Variants in STT3B observed in about 807,000 individuals in gnomAD.
The protein encoded by STT3B is dolichyl-diphosphooligosaccharide--protein glycosyltransferase subunit STT3B.
STT3B carries 29 observed loss-of-function variants against 96.8 expected under a neutral mutation model. The ratio of observed to expected loss-of-function variants is 0.30; its 90% CI spans 0.22 to 0.41. The LOEUF (loss-of-function observed/expected upper bound fraction) is 0.41. STT3B is among the 10% of genes least tolerant of loss of function. The pLI, the probability that STT3B is intolerant of heterozygous loss-of-function variation, is 1.00. For missense variants in STT3B, 640 were observed against 1,022.3 expected, an observed-to-expected ratio of 0.63 and a Z score of 5.10; for synonymous variants, 367 against 360.0, an observed-to-expected ratio of 1.02 and a Z score of -0.22.
At chr3:31,624,888 TAA>T in intron 11 of STT3B, 24 bp from the exon 12 acceptor site, 1 of 1,583,478 alleles carries the variant, frequency 6.3e-7, no homozygotes, top group Non-Finnish European at 8.6e-7. Context: ...ACATCTCATT[TAA>T]AAGAGTATTG....
At chr3:31,572,378 T>C (rs1190744171) in intron 1 of STT3B, among the ~76,000 whole-genome samples, 5 of 151,576 alleles carry the variant, frequency 3.3e-5, no homozygotes, top group Admixed American at 6.6e-5. Context: ...TTGACACTTA[T>C]CTCTATGAGT....
At chr3:31,634,913 G>T (rs1699730945) in intron 15 of STT3B, among the ~76,000 whole-genome samples, 1 of 152,132 alleles carries the variant, frequency 6.6e-6, no homozygotes, top group African/African-American at 2.4e-5. Context: ...AATAACATCA[G>T]TTTAACAATA....
chr3:31,606,660 A>G (rs1338116783), intron 5 of STT3B, among the ~76,000 whole-genome samples: 1 of 152,134 alleles, frequency 6.6e-6, no homozygotes, highest in Admixed American at 6.5e-5. Flanking sequence ...TTTGCTGGAG[A>G]GGTGGGGCCC....
At chr3:31,623,606 C>A in intron 10 of STT3B, 68 bp from the exon 11 acceptor site, 3 of 1,222,156 alleles carry the variant, frequency 2.5e-6, no homozygotes, top group Non-Finnish European at 3.4e-6. Flanking sequence ...TCAACTTTTT[C>A]CATTGAGTAT....
intron 12 of STT3B, among the ~76,000 whole-genome samples, chr3:31,625,387 T>C (rs778163044): frequency 6.6e-6 from 1 of 152,232 alleles, no homozygotes; most frequent in Non-Finnish European, 1.5e-5. Context: ...TTTCGTGTTA[T>C]AAACTAAAAA....
In STT3B at chr3:31,533,082, C is replaced by T. The variant is rs989655422; in HGVS notation, c.84C>T (p.Asn28=). ...SPWSGLMALG[N]SRHGHHGPGA... Reference sequence around the variant, plus strand: ...GGAGTGGCCTCATGGCCCTGGGAAACAGCCGGCACGGCCACCACGGGCCCG... The same window carrying T: ...GGAGTGGCCTCATGGCCCTGGGAAATAGCCGGCACGGCCACCACGGGCCCG... The change falls in exon 1 of 16, where the codon AAC becomes AAT. Residue 28 remains asparagine (N), a synonymous_variant. Coordinates refer to ENST00000295770, the MANE Select transcript of STT3B (RefSeq NM_178862.3). 29 of 1,539,586 alleles carry T rather than the reference C, an allele frequency of 1.9e-5. No homozygotes were observed. The highest frequency in any genetic ancestry group is 2.5e-5 in the Non-Finnish European group (29 of 1,145,966).
intron 3 of STT3B, among the ~76,000 whole-genome samples, chr3:31,588,257 C>CT (rs1037701027): frequency 1.3e-5 from 2 of 151,146 alleles, no homozygotes; most frequent in South Asian, 2.1e-4. Context: ...TGTATATGGA[C>CT]TTTTTTTTTG....
At chr3:31,561,158 C>T (rs1697868166) in intron 1 of STT3B, among the ~76,000 whole-genome samples, 1 of 151,438 alleles carries the variant, frequency 6.6e-6, no homozygotes, top group Non-Finnish European at 1.5e-5. Context: ...AATTGTTTTT[C>T]TGATTTCTTT....
At position 31,633,092 on chromosome 3, in the gene STT3B, A is replaced by G; in HGVS notation, c.2345A>G (p.Asp782Gly). Residue 782 changes from aspartate (D) to glycine (G), a missense_variant, in exon 15 of 16, where the codon GAT becomes GGT. Physicochemically the swap from Asp to Gly is moderately conservative, Grantham distance 94. This residue lies in a region of STT3B where 51 missense variants were observed against 64.2 expected (regional missense o/e 0.79). Transcript: ENST00000295770. ...GCACCTGATAACAGGGAGACATTAGATCACAAACCTCGAGTCACCAACATT... is the reference window on the plus strand; with the variant it reads ...GCACCTGATAACAGGGAGACATTAGGTCACAAACCTCGAGTCACCAACATT... Reference protein sequence around the residue: ...VKAPDNRETLDHKPRVTNIFP... With the variant: ...VKAPDNRETLGHKPRVTNIFP... 1.2e-6 allele frequency: 2 copies of G among 1,614,148 alleles called. No individual in the cohort carries two copies. Among genetic ancestry groups the G allele is most frequent in the Non-Finnish European group, 1.7e-6 (2 of 1,179,972 alleles).
At chr3:31,625,730 A>AT (rs779509645) in intron 12 of STT3B, among the ~76,000 whole-genome samples, 9 of 152,210 alleles carry the variant, frequency 5.9e-5, no homozygotes, top group Admixed American at 1.3e-4. Context: ...TATTAGCAAA[A>AT]TATTAGAGCA....
chr3:31,598,452 A>G (rs1009673075), intron 4 of STT3B, among the ~76,000 whole-genome samples: 1 of 152,198 alleles, frequency 6.6e-6, no homozygotes, highest in Non-Finnish European at 1.5e-5. Flanking sequence ...ACCCAAGTAA[A>G]GAGTTAACTA....
In STT3B at chr3:31,576,523, CT is replaced by C; in HGVS notation, c.423+22del. On this transcript the variant is annotated intron_variant, in intron 2 of 15. Transcript: ENST00000295770. ...TGGTACTGTAAGTATATTAGCAGTT[CT>C]TTATGTTAATTATAACATTTATTGT... 7.6e-7 allele frequency: 1 copy of C among 1,315,360 alleles called. No homozygotes were observed. The highest frequency in any genetic ancestry group is 1.1e-6 in the Non-Finnish European group (1 of 942,744). 81.5% of individuals were successfully genotyped at this position (1,315,360 alleles called of 1,614,324 possible). A position where few individuals can be genotyped will look rare whatever the true frequency, so the allele number is the denominator to read the frequency against.
chr3:31,548,207 T>C (rs1284819992), intron 1 of STT3B, among the ~76,000 whole-genome samples: 1 of 152,184 alleles, frequency 6.6e-6, no homozygotes, highest in African/African-American at 2.4e-5. Flanking sequence ...AACTAAAGTA[T>C]AACATATTTG....
In STT3B at chr3:31,600,430, T is replaced by G; in HGVS notation, c.848T>G (p.Met283Arg). Reference sequence around the variant, plus strand: ...CTGCATGTATTTGTGTTGTTACTGATGCAGAGATACAGCAAAAGAGTCTAC... The same window carrying G: ...CTGCATGTATTTGTGTTGTTACTGAGGCAGAGATACAGCAAAAGAGTCTAC... ...IPLHVFVLLL[M>R]QRYSKRVYIA... Residue 283 changes from methionine (M) to arginine (R), a missense_variant, in exon 5 of 16, where the codon ATG (methionine) becomes AGG (arginine). Transcript: ENST00000295770. 1 of 1,589,296 alleles carries G rather than the reference T, an allele frequency of 6.3e-7. No individual in the cohort carries two copies.
chr3:31,602,401 G>T (rs1698948456), intron 5 of STT3B, among the ~76,000 whole-genome samples: 1 of 151,984 alleles, frequency 6.6e-6, no homozygotes, highest in East Asian at 1.9e-4. Context: ...AAAAATTGGG[G>T]ATCTTGGAAA....
At chr3:31,634,065 T>A (rs1455159418) in intron 15 of STT3B, among the ~76,000 whole-genome samples, 1 of 152,220 alleles carries the variant, frequency 6.6e-6, no homozygotes, top group Non-Finnish European at 1.5e-5. Context: ...CGGTGTGATA[T>A]GTAAATGGAA....
At chr3:31,556,609 C>A (rs912243924) in intron 1 of STT3B, among the ~76,000 whole-genome samples, 3 of 152,138 alleles carry the variant, frequency 2.0e-5, no homozygotes, top group African/African-American at 7.2e-5. Flanking sequence ...TAAGATGATA[C>A]CTAATTGTGA....
chr3:31,545,075 A>G (rs1335667201), intron 1 of STT3B, among the ~76,000 whole-genome samples: 1 of 152,206 alleles, frequency 6.6e-6, no homozygotes, highest in African/African-American at 2.4e-5. Flanking sequence ...TAATATGCTA[A>G]GCAGCTTTAT....
At chr3:31,589,690 T>A (rs1359001447) in intron 3 of STT3B, among the ~76,000 whole-genome samples, 1 of 152,020 alleles carries the variant, frequency 6.6e-6, no homozygotes, top group Non-Finnish European at 1.5e-5. Context: ...TATGTATTGA[T>A]CATATATTCT....
Sources: allele counts gnomAD v4.1 joint callset (sites outside exome capture counted in the v4.1 genomes callset), GRCh38; gene constraint gnomAD v4.1.1; regional missense constraint gnomAD v4.1.1; transcripts MANE v1.5; gene names NCBI Gene and HGNC (gene_info 2026-07-23, HGNC 2026-07-21).